The following IL3RA variants were observed in gnomAD, a reference collection of about 807,000 sequenced individuals.
IL3RA encodes interleukin 3 receptor subunit alpha, also known as interleukin-3 receptor subunit alpha.
Under a neutral mutation model 52.3 loss-of-function variants are expected in IL3RA, and 73 were observed. The ratio of observed to expected loss-of-function variants is 1.40; its 90% CI spans 1.16 to 1.70. IL3RA has a LOEUF of 1.70. Among genes scored for constraint, IL3RA ranks in the 40% most tolerant of loss-of-function variants. The pLI is 0.00. For synonymous variants in IL3RA, 260 were observed against 194.0 expected, an observed-to-expected ratio of 1.34 and a Z score of -2.83; for missense variants, 664 against 504.4, an observed-to-expected ratio of 1.32 and a Z score of -3.03.
At chrX:1,362,350 TC>T (rs1273464445) in intron 8 of IL3RA, among the ~76,000 whole-genome samples, 17 of 151,542 alleles carry the variant, frequency 1.1e-4, no homozygotes, top group African/African-American at 4.1e-4. Context: ...TATCTCTGTC[TC>T]TCTCTGTCCA....
chrX:1,352,080 T>C lies in IL3RA; in HGVS notation c.299-20T>C, dbSNP rs1259386014. Reference sequence around the variant, plus strand: ...GCGCCCGGTCCCGATTCGAGTTCTCTTTCATGTTTGTGAACCCAGGTGGGA... The same window carrying C: ...GCGCCCGGTCCCGATTCGAGTTCTCCTTCATGTTTGTGAACCCAGGTGGGA... On this transcript the variant is annotated intron_variant, in intron 4 of 11. Transcript: ENST00000331035. 5.0e-6 allele frequency: 8 copies of C among 1,613,050 alleles called. No individual in the cohort carries two copies. Among genetic ancestry groups the C allele is most frequent in the Non-Finnish European group, 6.8e-6 (8 of 1,179,526 alleles).
intron 9 of IL3RA, among the ~76,000 whole-genome samples, chrX:1,367,251 C>G (rs867811165): frequency 5.3e-3 from 37 of 7,020 alleles, no homozygotes; most frequent in South Asian, 0.014. Context: ...CGGGGTGCGC[C>G]GGGTGCGCGG....
At chrX:1,341,993 C>A (rs2085514740) in intron 2 of IL3RA, among the ~76,000 whole-genome samples, 164 bp downstream of exon 2, 1 of 152,054 alleles carries the variant, frequency 6.6e-6, no homozygotes, top group Non-Finnish European at 1.5e-5. Context: ...GTACCCGTCA[C>A]CAAGTTCCCT....
intron 7 of IL3RA, 120 bp from the exon 8 acceptor site, chrX:1,358,741 G>A: frequency 2.1e-6 from 2 of 972,656 alleles, no homozygotes; most frequent in Non-Finnish European, 3.3e-6. Flanking sequence ...CTGCCCGAAG[G>A]CCTTCCCAGA....
intron 8 of IL3RA, among the ~76,000 whole-genome samples, chrX:1,359,748 C>G (rs1309457271): frequency 8.0e-5 from 12 of 149,832 alleles, no homozygotes; most frequent in Non-Finnish European, 1.5e-4. Flanking sequence ...ATCTCTCTCT[C>G]TGTGTCTCTG....
chrX:1,355,980 C>T (rs2086675191), intron 6 of IL3RA, among the ~76,000 whole-genome samples: 2 of 152,026 alleles, frequency 1.3e-5, no homozygotes, highest in African/African-American at 4.8e-5. Context: ...GCTCCCAGGA[C>T]AGTGGGGCTC....
At chrX:1,352,601 G>GT in intron 6 of IL3RA, 95 bp downstream of exon 6, 3 of 1,278,004 alleles carry the variant, frequency 2.3e-6, no homozygotes, top group Non-Finnish European at 3.3e-6. Context: ...GGCTCCCAAC[G>GT]CAGACGTTGG....
intron 1 of IL3RA, among the ~76,000 whole-genome samples, chrX:1,337,643 C>T (rs369588689): frequency 0.01 from 858 of 84,514 alleles, no homozygotes; most frequent in Middle Eastern, 0.057. Context: ...CATCTATAGA[C>T]GAATGGATAA....
At chrX:1,381,425 C>T (rs1448346356) in intron 11 of IL3RA, among the ~76,000 whole-genome samples, 5 of 151,964 alleles carry the variant, frequency 3.3e-5, no homozygotes, top group Admixed American at 6.6e-5. Context: ...TGTCTGCTGG[C>T]GCTGGTGGGC....
At chrX:1,368,650 G>A (rs1204171966) in intron 9 of IL3RA, among the ~76,000 whole-genome samples, 1 of 152,124 alleles carries the variant, frequency 6.6e-6, no homozygotes, top group African/African-American at 2.4e-5. Context: ...CAGGACTGGG[G>A]TCCTTATAAG....
At chrX:1,378,824 T>A in intron 10 of IL3RA, 60 bp downstream of exon 10, 1 of 1,393,580 alleles carries the variant, frequency 7.2e-7, no homozygotes, top group Non-Finnish European at 1.0e-6. Flanking sequence ...TGAAAGTTAT[T>A]CACAGAACCA....
At chrX:1,352,764 T>A (rs778890702) in intron 6 of IL3RA, among the ~76,000 whole-genome samples, 1 of 152,280 alleles carries the variant, frequency 6.6e-6, no homozygotes, top group Admixed American at 6.5e-5. Context: ...CTGGGGTCTC[T>A]TGTTAGAAGG....
rs1355205373 is a variant in IL3RA at position 1,348,644 on chromosome X, C to CTTTTTCTTTCTT, written c.298+100_298+101insTTTTCTTTCTTT. 167 of 496,812 alleles carry CTTTTTCTTTCTT rather than the reference C, an allele frequency of 3.4e-4. 1 individual carries two copies. The highest frequency in any genetic ancestry group is 4.0e-4 in the Non-Finnish European group (116 of 292,434). 30.8% of individuals were successfully genotyped at this position (496,812 alleles called of 1,614,324 possible). On this transcript the variant is annotated intron_variant, in intron 4 of 11. Coordinates refer to ENST00000331035, the MANE Select transcript of IL3RA (RefSeq NM_002183.4). Reference sequence around the variant, plus strand: ...GCTGTGTCTTTTTTCTTTTCTTTTTCTCTTTCTTTCTTTCTTTCTTTCTTT... The same window carrying CTTTTTCTTTCTT: ...GCTGTGTCTTTTTTCTTTTCTTTTTCTTTTTCTTTCTTTCTTTCTTTCTTTCTTTCTTTCTTT...
chrX:1,376,992 T>C (rs1386454073), intron 9 of IL3RA, among the ~76,000 whole-genome samples: 3 of 146,294 alleles, frequency 2.1e-5, no homozygotes, highest in Non-Finnish European at 3.0e-5. Context: ...GTTTTGTTTC[T>C]AAGCCGCCCA....
chrX:1,351,722 G>T (rs1442803213), intron 4 of IL3RA, among the ~76,000 whole-genome samples: 2 of 150,268 alleles, frequency 1.3e-5, no homozygotes, highest in Non-Finnish European at 1.5e-5. Flanking sequence ...TCTGCCTCCT[G>T]GGTTCAAGAA....
chrX:1,341,530 A>G (rs17881247), intron 1 of IL3RA, among the ~76,000 whole-genome samples, 198 bp from the exon 2 acceptor site: 5,824 of 91,474 alleles, frequency 0.064, 131 homozygotes, highest in Middle Eastern at 0.12. Context: ...GCACACATGT[A>G]GAAGCACACT....
intron 9 of IL3RA, among the ~76,000 whole-genome samples, chrX:1,368,680 GAC>G (rs1457565184): frequency 6.6e-6 from 1 of 152,066 alleles, no homozygotes; most frequent in Non-Finnish European, 1.5e-5. Context: ...TGAGGACACA[GAC>G]ACACACAGAG....
intron 10 of IL3RA, 48 bp from the exon 11 acceptor site, chrX:1,380,975 G>A (rs1322628264): frequency 2.0e-6 from 3 of 1,488,382 alleles, no homozygotes; most frequent in African/African-American, 2.8e-5. Flanking sequence ...CAGATGATGA[G>A]CTGGTCGGTT....
chrX:1,352,128 T>G lies in IL3RA; in HGVS notation c.327T>G (p.Asn109Lys). 1 of 1,613,794 alleles carries G rather than the reference T, an allele frequency of 6.2e-7. No individual in the cohort carries two copies. The highest frequency in any genetic ancestry group is 2.2e-5 in the East Asian group (1 of 44,872). ...NSGKPWAGAE[N>K]LTCWIHDVDF... ...GGAAGCCTTGGGCAGGTGCGGAGAA[T>G]CTGACCTGCTGGATTCATGACGTGG... Residue 109 changes from asparagine to lysine, a missense_variant, in exon 5 of 12, where the codon AAT (asparagine) becomes AAG (lysine). Physicochemically the swap from Asn to Lys is moderately conservative, Grantham distance 94. Coordinates refer to ENST00000331035, the MANE Select transcript of IL3RA (RefSeq NM_002183.4).
Sources: allele counts gnomAD v4.1 joint callset (sites outside exome capture counted in the v4.1 genomes callset), GRCh38; gene constraint gnomAD v4.1.1; transcripts MANE v1.5; gene names NCBI Gene and HGNC (gene_info 2026-07-23, HGNC 2026-07-21).